The following TENM3 variants were observed in gnomAD, a reference collection of about 807,000 sequenced individuals.
TENM3 encodes the protein teneurin-3.
TENM3 carries 63 observed loss-of-function variants against 255.1 expected under a neutral mutation model. The observed-to-expected ratio is 0.25, with a 90% CI of 0.20 to 0.30. The LOEUF (loss-of-function observed/expected upper bound fraction) is 0.30, where lower values mean the gene tolerates loss of function less well. Ranked by LOEUF, TENM3 falls within the 10% of genes least tolerant of loss-of-function variation. The pLI is 1.00. For missense variants in TENM3, 2,929 were observed against 3,461.1 expected (o/e 0.85, Z 3.86); for synonymous variants, 1,306 against 1,322.3 (o/e 0.99, Z 0.27).
At chr4:182,127,890 A>G in the TENM3 span, among the ~76,000 whole-genome samples, 2 of 152,214 alleles carry the variant, frequency 1.3e-5, no homozygotes, top group Non-Finnish European at 2.9e-5. Flanking sequence ...TTGCTAAAGT[A>G]TATTTTACTG....
At chr4:182,113,753 G>A in the TENM3 span, among the ~76,000 whole-genome samples, 1 of 152,072 alleles carries the variant, frequency 6.6e-6, no homozygotes, top group African/African-American at 2.4e-5. Flanking sequence ...GAGAGACAGA[G>A]AGGAAGAGAG....
intron 3 of TENM3, among the ~76,000 whole-genome samples, chr4:182,578,403 C>G (rs1745152592): frequency 6.6e-6 from 1 of 152,036 alleles, no homozygotes; most frequent in South Asian, 2.1e-4. Context: ...CCCTTCTTCC[C>G]CTCCACTTGC....
the TENM3 span, among the ~76,000 whole-genome samples, chr4:181,906,857 G>T: frequency 6.6e-6 from 1 of 152,012 alleles, no homozygotes; most frequent in African/African-American, 2.4e-5. Context: ...GCTTCTTCTT[G>T]TTTTCTTTTG....
chr4:182,100,452 T>A, the TENM3 span, among the ~76,000 whole-genome samples: 62,948 of 118,858 alleles, frequency 0.53, 16,462 homozygotes, highest in Middle Eastern at 0.63. Context: ...AAAAAAAATA[T>A]ATATATATAT....
the TENM3 span, among the ~76,000 whole-genome samples, chr4:181,770,911 T>C: frequency 2.6e-5 from 4 of 152,212 alleles, no homozygotes; most frequent in East Asian, 7.7e-4. Flanking sequence ...TACAATTATC[T>C]CTTTTAATCC....
chr4:182,196,930 T>C (rs1753866048), intron 1 of TENM3, among the ~76,000 whole-genome samples: 1 of 152,164 alleles, frequency 6.6e-6, no homozygotes, highest in Non-Finnish European at 1.5e-5. Context: ...TGATGCATCA[T>C]TTCCGGTCAT....
At chr4:181,700,850 A>C in the TENM3 span, among the ~76,000 whole-genome samples, 2 of 152,228 alleles carry the variant, frequency 1.3e-5, no homozygotes, top group Admixed American at 1.3e-4. Context: ...TGAACTAGAA[A>C]AGGAGAATAT....
the TENM3 span, among the ~76,000 whole-genome samples, chr4:181,745,259 T>A: frequency 3.3e-5 from 5 of 152,008 alleles, no homozygotes; most frequent in Admixed American, 3.3e-4. Flanking sequence ...AAATTAGCAA[T>A]GTTAGGTCAT....
chr4:181,573,041 GA>G, the TENM3 span, among the ~76,000 whole-genome samples: 52,367 of 151,926 alleles, frequency 0.34, 9,056 homozygotes, highest in Middle Eastern at 0.41. Flanking sequence ...ATGACCCTCT[GA>G]TTCCATCCAT....
chr4:182,278,605 G>A (rs1760162554), intron 1 of TENM3, among the ~76,000 whole-genome samples: 1 of 151,416 alleles, frequency 6.6e-6, no homozygotes, highest in Admixed American at 6.6e-5. Context: ...ACATATCCTG[G>A]GCCTACCTCA....
chr4:182,644,584 T>C (rs1752577756), intron 5 of TENM3, among the ~76,000 whole-genome samples: 1 of 152,164 alleles, frequency 6.6e-6, no homozygotes. Context: ...ATGCTGTAAT[T>C]TCTCTCACTT....
At chr4:182,373,860 T>C (rs1057449250) in intron 3 of TENM3, among the ~76,000 whole-genome samples, 1 of 152,184 alleles carries the variant, frequency 6.6e-6, no homozygotes, top group African/African-American at 2.4e-5. Context: ...TCTTAACAGC[T>C]ATACAACATT....
At chr4:182,085,615 T>A in the TENM3 span, among the ~76,000 whole-genome samples, 11 of 152,184 alleles carry the variant, frequency 7.2e-5, 1 homozygote, top group Non-Finnish European at 1.5e-4. Flanking sequence ...AAGAAAAATA[T>A]TACAGTGTCT....
rs555865803 is a variant in TENM3 at position 182,347,632 on chromosome 4, G to C, written c.511+703G>C. Among the ~76,000 whole-genome samples the C allele has an allele frequency of 3.1e-3, 18 of 5,738 alleles. No individual in the cohort carries two copies. The Admixed American group carries it at 0.067, about 21-fold the overall frequency. 3.8% of individuals were successfully genotyped at this position (5,738 alleles called of 152,430 possible). A position where few individuals can be genotyped will look rare whatever the true frequency, so the allele number is the denominator to read the frequency against. ...AAAAAAAGTCTTTATAAATTATTGG[G>C]ACTTTTTTTTTCCTATTGCCAATGC... On this transcript the variant is annotated intron_variant, in intron 3 of 27. Transcript: ENST00000511685.
intron 24 of TENM3, among the ~76,000 whole-genome samples, chr4:182,775,888 T>C (rs1764649506): frequency 6.6e-6 from 1 of 152,130 alleles, no homozygotes; most frequent in Admixed American, 6.6e-5. Context: ...TATATCATGG[T>C]ATCCATATTA....
the TENM3 span, among the ~76,000 whole-genome samples, chr4:182,061,111 G>C: frequency 1.3e-5 from 2 of 152,158 alleles, no homozygotes; most frequent in African/African-American, 2.4e-5. Flanking sequence ...TGAGTTGCTG[G>C]TGGGAACTCT....
chr4:181,897,553 C>G, the TENM3 span, among the ~76,000 whole-genome samples: 2 of 152,116 alleles, frequency 1.3e-5, no homozygotes, highest in Admixed American at 1.3e-4. Flanking sequence ...TTTAGAAGAA[C>G]CTTGGTGTTC....
intron 1 of TENM3, among the ~76,000 whole-genome samples, chr4:182,310,079 T>C (rs1234902650): frequency 1.3e-5 from 2 of 152,228 alleles, no homozygotes; most frequent in South Asian, 2.1e-4. Context: ...ATAGTGGAGC[T>C]AGACTTTAGA....
In TENM3 at chr4:182,284,902, G is replaced by A. The variant is rs547060470; in HGVS notation, c.-75-39044G>A. Among the ~76,000 whole-genome samples, 13 of 152,212 alleles carry A rather than the reference G, an allele frequency of 8.5e-5. No individual in the cohort carries two copies. The East Asian group carries it at 2.3e-3, about 27-fold the overall frequency. On this transcript the variant is annotated intron_variant, in intron 1 of 27. Transcript: ENST00000511685. ...AATCTTTTTCTTAAAACCATCTTTG[G>A]GAATTTGGGTGGTGTGGACCCCATG...
Sources: gnomAD v4.1 joint callset for allele counts (sites outside exome capture counted in the v4.1 genomes callset) on GRCh38, gnomAD v4.1.1 for gene constraint, MANE v1.5 for transcripts, NCBI Gene and HGNC (gene_info 2026-07-23, HGNC 2026-07-21) for gene names.